Variants in PPME1 observed in about 807,000 individuals in gnomAD.
The protein encoded by PPME1 is testicular secretory protein Li 39.
In PPME1, 17 loss-of-function variants were observed where a neutral mutation model predicts 56.9. The observed-to-expected ratio is 0.30, with a 90% CI of 0.20 to 0.45. The LOEUF is 0.45. PPME1 is among the 20% of genes least tolerant of loss of function. PPME1 has a pLI of 1.00. For missense variants in PPME1, 357 were observed against 483.2 expected, an observed-to-expected ratio of 0.74 and a Z score of 2.45; for synonymous variants, 122 against 156.2, an observed-to-expected ratio of 0.78 and a Z score of 1.63.
At chr11:74,195,354 T>G (rs920397163) in intron 1 of PPME1, among the ~76,000 whole-genome samples, 11 of 152,206 alleles carry the variant, frequency 7.2e-5, no homozygotes, top group African/African-American at 2.4e-4. Flanking sequence ...CTTTGCCTGT[T>G]TTTGAACACT....
At chr11:74,221,793 T>C (rs912239832) in intron 3 of PPME1, among the ~76,000 whole-genome samples, 1 of 152,158 alleles carries the variant, frequency 6.6e-6, no homozygotes, top group African/African-American at 2.4e-5. Flanking sequence ...AATAAATTTT[T>C]AATAGGTACA....
intron 9 of PPME1, among the ~76,000 whole-genome samples, chr11:74,239,859 C>T (rs766067590): frequency 7.2e-5 from 11 of 151,968 alleles, no homozygotes; most frequent in Non-Finnish European, 1.5e-4. Flanking sequence ...GGATTACAGG[C>T]GTGAGCCACC....
chr11:74,171,626 AG>A, intron 1 of PPME1, 104 bp downstream of exon 1: 1 of 1,383,368 alleles, frequency 7.2e-7, no homozygotes, highest in Non-Finnish European at 9.6e-7. Flanking sequence ...TACTGATAGG[AG>A]AAAATGTTGG....
Position 74,246,218 on chromosome 11 carries a change from GTGCATATAT to G in PPME1, c.964+15_964+23del, listed in dbSNP as rs1261720657. 1 of 1,546,636 alleles carries G rather than the reference GTGCATATAT, an allele frequency of 6.5e-7. No homozygotes were observed. Among genetic ancestry groups the G allele is most frequent in the Admixed American group, 2.0e-5 (1 of 50,350 alleles). ...CTGCTCTTGGCTGGTAAGTGTATAT[GTGCATATAT>G]TAGTCAGCTCAGGCTGCCATAACCA... is the stretch of plus-strand genomic sequence containing the variant. On this transcript the variant is annotated intron_variant, in intron 10 of 13. Transcript: ENST00000328257.
intron 5 of PPME1, among the ~76,000 whole-genome samples, chr11:74,225,530 G>A (rs1858913082): frequency 1.3e-5 from 2 of 152,086 alleles, no homozygotes; most frequent in Admixed American, 6.6e-5. Flanking sequence ...CTTTTGAAAA[G>A]TTTTCTTCTG....
chr11:74,225,197 C>T lies in PPME1; in HGVS notation c.347-8C>T. ...GGGAATTTTATTTTTAAAATATTTT[C>T]ATTTTAGGTGAAACAAAGGTCAAGA... On this transcript the variant is annotated splice_region_variant and splice_polypyrimidine_tract_variant and intron_variant, in intron 4 of 13. Transcript: ENST00000328257. 2 of 1,522,702 alleles carry T rather than the reference C, an allele frequency of 1.3e-6. No individual in the cohort carries two copies. The highest frequency in any genetic ancestry group is 1.8e-6 in the Non-Finnish European group (2 of 1,126,020). 94.3% of individuals were successfully genotyped at this position (1,522,702 alleles called of 1,614,324 possible).
At chr11:74,175,678 C>T (rs1857385190) in intron 1 of PPME1, among the ~76,000 whole-genome samples, 1 of 152,168 alleles carries the variant, frequency 6.6e-6, no homozygotes, top group Non-Finnish European at 1.5e-5. Context: ...CCACTTCATC[C>T]TCTTGAGTAG....
chr11:74,220,989 A>C (rs1343545936), intron 3 of PPME1, among the ~76,000 whole-genome samples: 5 of 152,156 alleles, frequency 3.3e-5, no homozygotes, highest in Non-Finnish European at 7.4e-5. Context: ...GAGCAGGAGT[A>C]TTGCCAGTAT....
Position 74,230,757 on chromosome 11 carries a change from C to T in PPME1, c.554-155C>T, listed in dbSNP as rs1859045327. 1 of 668,912 alleles carries T rather than the reference C, an allele frequency of 1.5e-6. No individual in the cohort carries two copies. Among genetic ancestry groups the T allele is most frequent in the East Asian group, 2.8e-5 (1 of 36,336 alleles). The allele number at this position is 668,912 out of a possible 1,614,324, so 41.4% of individuals were successfully genotyped here. ...GGGCATGACATAAAGAAGTGAATAC[C>T]CCAGAGGCAAAAATTATTGAGGGCC... On this transcript the variant is annotated intron_variant, in intron 6 of 13. Transcript: ENST00000328257. This position sits in a 1 kb window ranked among gnomAD's most constrained non-coding sequence, Gnocchi z 4.9.
chr11:74,209,035 T>C (rs1014349273), intron 3 of PPME1, among the ~76,000 whole-genome samples: 7 of 152,182 alleles, frequency 4.6e-5, no homozygotes, highest in Non-Finnish European at 7.3e-5. Context: ...AAGGGGCTTG[T>C]ATACCTAGCT....
At chr11:74,192,961 C>T (rs188435388) in intron 1 of PPME1, among the ~76,000 whole-genome samples, 88 of 152,282 alleles carry the variant, frequency 5.8e-4, no homozygotes, top group African/African-American at 1.8e-3. Flanking sequence ...GATGTTTCTT[C>T]TCACCTAAAA....
At chr11:74,223,967 T>G (rs1185115718) in intron 4 of PPME1, among the ~76,000 whole-genome samples, 1 of 152,012 alleles carries the variant, frequency 6.6e-6, no homozygotes, top group Non-Finnish European at 1.5e-5. Context: ...ATTTGTCAAT[T>G]TTGTCTTTTG....
intron 3 of PPME1, among the ~76,000 whole-genome samples, chr11:74,209,109 G>A (rs957862550): frequency 6.6e-6 from 1 of 151,920 alleles, no homozygotes; most frequent in Non-Finnish European, 1.5e-5. Context: ...ATTTTTGTTT[G>A]TTTGCTTTTG....
chr11:74,245,391 A>G lies in PPME1; in HGVS notation c.835-685A>G, dbSNP rs923441042. The stretch of plus-strand genomic sequence containing the variant: ...TATTTATTTCAATTATAATGTTTCA[A>G]ATATTTCAATGGTACAGAAAAATAT... On this transcript the variant is annotated intron_variant, in intron 9 of 13. Coordinates refer to ENST00000328257, the MANE Select transcript of PPME1 (RefSeq NM_016147.3). 2.1e-4 allele frequency among the ~76,000 whole-genome samples: 32 copies of G among 152,146 alleles called. 1 individual carries two copies. The highest frequency in any genetic ancestry group is 7.7e-4 in the African/African-American group (32 of 41,432).
intron 3 of PPME1, among the ~76,000 whole-genome samples, chr11:74,217,501 C>T (rs894697699): frequency 2.4e-4 from 36 of 148,216 alleles, no homozygotes; most frequent in South Asian, 1.1e-3. Context: ...AGGATCATGC[C>T]GCTGCCCTCT....
intron 3 of PPME1, among the ~76,000 whole-genome samples, chr11:74,216,517 A>G (rs1007287008): frequency 6.6e-6 from 1 of 152,214 alleles, no homozygotes; most frequent in African/African-American, 2.4e-5. Flanking sequence ...GTTTATAGCT[A>G]TAAGAGCCTA....
chr11:74,205,966 T>C (rs1413012736), intron 3 of PPME1: 1 of 152,218 alleles, frequency 6.6e-6, no homozygotes, highest in African/African-American at 2.4e-5. Context: ...ACAATATCAC[T>C]TCAACATGTT....
chr11:74,253,191 C>T (rs1476773838), intron 13 of PPME1, among the ~76,000 whole-genome samples: 5 of 152,172 alleles, frequency 3.3e-5, no homozygotes, highest in East Asian at 1.9e-4. Context: ...AGCGACACCC[C>T]TATGCTGAGC....
chr11:74,202,182 ACTC>A (rs1858187120), intron 1 of PPME1, among the ~76,000 whole-genome samples: 1 of 152,124 alleles, frequency 6.6e-6, no homozygotes, highest in African/African-American at 2.4e-5. Flanking sequence ...AGGAATTTGA[ACTC>A]CTCTGTCATT....
Sources: allele counts gnomAD v4.1 joint callset (sites outside exome capture counted in the v4.1 genomes callset), GRCh38; gene constraint gnomAD v4.1.1; non-coding constraint Gnocchi (gnomAD v3.1); transcripts MANE v1.5; gene names NCBI Gene and HGNC (gene_info 2026-07-23, HGNC 2026-07-21).